SPINT1: variants seen among roughly 807,000 people sequenced by gnomAD.
SPINT1 encodes serine peptidase inhibitor, Kunitz type 1.
In SPINT1, 38 loss-of-function variants were observed where a neutral mutation model predicts 53.7. The ratio of observed to expected loss-of-function variants is 0.71; its 90% confidence interval spans 0.55 to 0.93. SPINT1 has a LOEUF of 0.93. SPINT1 is among the 40% of genes least tolerant of loss of function. SPINT1 has a pLI of 0.00. For missense variants in SPINT1, 645 were observed against 692.9 expected (o/e 0.93, Z 0.78); for synonymous variants, 283 against 280.6 (o/e 1.01, Z -0.08).
chr15:40,853,412 G>A, intron 3 of SPINT1, 77 bp from the exon 4 acceptor site: 4 of 1,611,220 alleles, frequency 2.5e-6, no homozygotes, highest in Non-Finnish European at 3.4e-6. Flanking sequence ...AGGGGTGTGG[G>A]TGTGTGTCTG....
At chr15:40,845,478 T>C (rs750736645) in intron 2 of SPINT1, among the ~76,000 whole-genome samples, 1 of 152,106 alleles carries the variant, frequency 6.6e-6, no homozygotes, top group Non-Finnish European at 1.5e-5. Context: ...AAGTAGGCAG[T>C]ACAGCCGAAT....
Position 40,857,022 on chromosome 15 carries a change from A to G in SPINT1, c.*47A>G. Reference sequence around the variant, plus strand: ...ACCTGGCCCTGCTTCCTGCTTGCCAAGGCAGAGGCCTGGGCTGGGAAAAAC... The same window carrying G: ...ACCTGGCCCTGCTTCCTGCTTGCCAGGGCAGAGGCCTGGGCTGGGAAAAAC... On this transcript the variant is annotated 3_prime_UTR_variant, in exon 11 of 11. Transcript: ENST00000562057. 1 of 1,604,586 alleles carries G rather than the reference A, an allele frequency of 6.2e-7. No homozygotes were observed. Among genetic ancestry groups the G allele is most frequent in the Non-Finnish European group, 8.5e-7 (1 of 1,173,548 alleles).
intron 2 of SPINT1, 34 bp downstream of exon 2, chr15:40,845,063 A>G (rs1399601353): frequency 6.5e-7 from 1 of 1,544,302 alleles, no homozygotes. Context: ...GGGTTTGGAG[A>G]GACTCAAAAA....
chr15:40,845,879 C>T (rs1440985539), intron 2 of SPINT1, among the ~76,000 whole-genome samples: 1 of 152,168 alleles, frequency 6.6e-6, no homozygotes, highest in Non-Finnish European at 1.5e-5. Flanking sequence ...TGCTTAGCAT[C>T]TCTCTACCCC....
intron 5 of SPINT1, 35 bp downstream of exon 5, chr15:40,853,916 G>C: frequency 6.2e-7 from 1 of 1,614,114 alleles, no homozygotes; most frequent in Non-Finnish European, 8.5e-7. Context: ...GGGCTCAGGC[G>C]ACTTTCCCCC....
rs1377876840 is a variant in SPINT1, at chr15:40,857,092, A to AT, written c.*117_*118insT. ...CTGTTTCCCAGGCCCACTGTGCCTC[A>AT]GAGACCAGGGCTCCAGCCCCTCTTG... On this transcript the variant is annotated 3_prime_UTR_variant, in exon 11 of 11. Coordinates refer to ENST00000562057, the MANE Select transcript of SPINT1 (RefSeq NM_003710.4). 12 of 1,342,444 alleles carry AT rather than the reference A, an allele frequency of 8.9e-6. No homozygotes were observed. The highest frequency in any genetic ancestry group is 1.2e-5 in the Non-Finnish European group (12 of 987,120). The allele number at this position is 1,342,444 out of a possible 1,614,324, so 83.2% of individuals were successfully genotyped here.
rs1891193072 is a variant in SPINT1, at chr15:40,844,222, G to A, written c.-66+36G>A. ...CCCCCGCGCGCAAGGCCGAGGCGCA[G>A]GCGGAGCGGGCTGGAGCATGTCCGG... On this transcript the variant is annotated intron_variant, in intron 1 of 10. Transcript: ENST00000562057. The surrounding 1 kb of genome is among the most constrained non-coding windows in gnomAD (Gnocchi z 5.8). 2.3e-6 allele frequency: 1 copy of A among 427,600 alleles called. No individual in the cohort carries two copies. The highest frequency in any genetic ancestry group is 2.2e-5 in the African/African-American group (1 of 46,506). 26.5% of individuals were successfully genotyped at this position (427,600 alleles called of 1,614,324 possible). A position where few individuals can be genotyped will look rare whatever the true frequency, so the allele number is the denominator to read the frequency against.
intron 2 of SPINT1, among the ~76,000 whole-genome samples, chr15:40,851,848 C>T (rs1891466853): frequency 6.6e-6 from 1 of 152,178 alleles, no homozygotes; most frequent in Non-Finnish European, 1.5e-5. Context: ...TGGTGAAACC[C>T]CATCTCTACT....
chr15:40,857,140 G>A lies in SPINT1; in HGVS notation c.*165G>A, dbSNP rs544348204. The A allele has an allele frequency of 1.4e-4, 132 of 920,020 alleles. No individual in the cohort carries two copies. Among genetic ancestry groups the A allele is most frequent in the Admixed American group, 8.2e-4 (28 of 33,956 alleles). The allele number at this position is 920,020 out of a possible 1,614,324, so 57.0% of individuals were successfully genotyped here. A position where few individuals can be genotyped will look rare whatever the true frequency, so the allele number is the denominator to read the frequency against. On this transcript the variant is annotated 3_prime_UTR_variant, in exon 11 of 11. Coordinates refer to ENST00000562057, the MANE Select transcript of SPINT1 (RefSeq NM_003710.4). ...TTGGAGAAGTCTCAGCTAAGCTCAC[G>A]TCCTGAGAAAGCTCAAAGGTTTGGA... is the stretch of plus-strand genomic sequence containing the variant.
chr15:40,856,314 C>G lies in SPINT1; in HGVS notation c.1327C>G (p.Pro443Ala). 6.2e-7 allele frequency: 1 copy of G among 1,614,154 alleles called. No homozygotes were observed. The highest frequency in any genetic ancestry group is 8.5e-7 in the Non-Finnish European group (1 of 1,180,026). Residue 443 changes from proline (P) to alanine (A), a missense_variant, in exon 10 of 11, where the codon CCC becomes GCC. Transcript: ENST00000562057. ...VFGLRREIPI[P>A]STGSVEMAVA... ...TGGCCTGAGGCGGGAAATCCCCATTCCCAGCACAGGTAAGCCCTGATCTGT... is the reference window on the plus strand; with the variant it reads ...TGGCCTGAGGCGGGAAATCCCCATTGCCAGCACAGGTAAGCCCTGATCTGT...
chr15:40,844,204 G>T lies in SPINT1; in HGVS notation c.-66+18G>T. The stretch of plus-strand genomic sequence containing the variant: ...CTGCGCAGGTAACCCGGGCCCCCGC[G>T]CGCAAGGCCGAGGCGCAGGCGGAGC... On this transcript the variant is annotated intron_variant, in intron 1 of 10. Coordinates refer to ENST00000562057, the MANE Select transcript of SPINT1 (RefSeq NM_003710.4). The surrounding 1 kb of genome is among the most constrained non-coding windows in gnomAD (Gnocchi z 5.8). The T allele has an allele frequency of 5.0e-6, 2 of 399,142 alleles. No individual in the cohort carries two copies. The highest frequency in any genetic ancestry group is 9.4e-6 in the Non-Finnish European group (2 of 212,652). 24.7% of individuals were successfully genotyped at this position (399,142 alleles called of 1,614,324 possible).
At position 40,844,932 on chromosome 15, in the gene SPINT1, C is replaced by T. The variant is rs1300736551; in HGVS notation, c.378C>T (p.Asn126=). 1.9e-6 allele frequency: 3 copies of T among 1,614,016 alleles called. No individual in the cohort carries two copies. The Admixed American group carries it at 5.0e-5, about 27-fold the overall frequency. Residue 126 remains asparagine, a synonymous_variant, in exon 2 of 11, where the codon AAC becomes AAT. Transcript: ENST00000562057. The surrounding 1 kb of genome is among the most constrained non-coding windows in gnomAD (Gnocchi z 5.8). ...TCATCAACTGCCTCTACGAGCAGAA[C>T]TTCGTGTGCAAGTTCGCGCCCAGGG... ...CFLINCLYEQ[N]FVCKFAPREG... is the part of the protein sequence containing the mutation.
In SPINT1 at chr15:40,857,035, G is replaced by T; in HGVS notation, c.*60G>T. 2 of 1,587,014 alleles carry T rather than the reference G, an allele frequency of 1.3e-6. No individual in the cohort carries two copies. The highest frequency in any genetic ancestry group is 4.5e-5 in the East Asian group (2 of 44,480). ...TCCTGCTTGCCAAGGCAGAGGCCTG[G>T]GCTGGGAAAAACTTTGGAACCAGAC... On this transcript the variant is annotated 3_prime_UTR_variant, in exon 11 of 11. Coordinates refer to ENST00000562057, the MANE Select transcript of SPINT1 (RefSeq NM_003710.4).
chr15:40,849,791 G>A (rs1482088094), intron 2 of SPINT1, among the ~76,000 whole-genome samples: 2 of 152,212 alleles, frequency 1.3e-5, no homozygotes, highest in African/African-American at 4.8e-5. Context: ...CATCTGAAAA[G>A]AGGGTGAGAA....
rs1891208747 is a variant in SPINT1 at position 40,844,446 on chromosome 15, C to CT, written c.-65-43dup. The stretch of plus-strand genomic sequence containing the variant: ...CCCGCCTCCTCCAAAGTCTCCCGGG[C>CT]TGATCAGGTGTGTCTCCTCCTCTGT... On this transcript the variant is annotated intron_variant, in intron 1 of 10. Transcript: ENST00000562057. The surrounding 1 kb of genome is among the most constrained non-coding windows in gnomAD (Gnocchi z 5.8). 8.7e-7 allele frequency: 1 copy of CT among 1,146,948 alleles called. No individual in the cohort carries two copies. The highest frequency in any genetic ancestry group is 1.5e-5 in the African/African-American group (1 of 64,554). 71.0% of individuals were successfully genotyped at this position (1,146,948 alleles called of 1,614,324 possible).
At chr15:40,852,627 C>CTGTCTGTGTG (rs10653499) in intron 2 of SPINT1, among the ~76,000 whole-genome samples, 27 of 143,498 alleles carry the variant, frequency 1.9e-4, no homozygotes, top group African/African-American at 5.6e-4. Flanking sequence ...AAGTAAGTGT[C>CTGTCTGTGTG]TGTGTGTGTG....
rs1008525353 is a variant in SPINT1 at position 40,845,134 on chromosome 15, C to T, written c.475+105C>T. The T allele has an allele frequency of 4.7e-6, 4 of 850,420 alleles. No individual in the cohort carries two copies. The African/African-American group carries it at 5.5e-5, about 12-fold the overall frequency. 52.7% of individuals were successfully genotyped at this position (850,420 alleles called of 1,614,324 possible). On this transcript the variant is annotated intron_variant, in intron 2 of 10. Transcript: ENST00000562057. ...TCAGAGAGGAGTTAAGGAGAGTTCA[C>T]TTTTTTTTTTCTTTTTCTTTCTTTT...
Position 40,853,589 on chromosome 15 carries a change from A to G in SPINT1, c.704A>G (p.Asn235Ser). The G allele has an allele frequency of 6.2e-7, 1 of 1,614,052 alleles. No homozygotes were observed. Among genetic ancestry groups the G allele is most frequent in the Non-Finnish European group, 8.5e-7 (1 of 1,179,958 alleles). The change falls in exon 4 of 11, where the codon AAC becomes AGC. Residue 235 changes from asparagine (N) to serine (S), a missense_variant. Asn to Ser is a conservative substitution (Grantham distance 46). Transcript: ENST00000562057. ...TCAGACCACCCAGAGGACACGGCCAACGTCACAGTCACTGTGCTGTCCACC... is the reference window on the plus strand; with the variant it reads ...TCAGACCACCCAGAGGACACGGCCAGCGTCACAGTCACTGTGCTGTCCACC... ...TSSDHPEDTA[N>S]VTVTVLSTKQ...
In SPINT1 at chr15:40,844,199, C is replaced by G; in HGVS notation, c.-66+13C>G. The stretch of plus-strand genomic sequence containing the variant: ...CTCACCTGCGCAGGTAACCCGGGCC[C>G]CCGCGCGCAAGGCCGAGGCGCAGGC... On this transcript the variant is annotated intron_variant, in intron 1 of 10. Coordinates refer to ENST00000562057, the MANE Select transcript of SPINT1 (RefSeq NM_003710.4). This position sits in a 1 kb window ranked among gnomAD's most constrained non-coding sequence, Gnocchi z 5.8. 2.5e-6 allele frequency: 1 copy of G among 403,184 alleles called. No homozygotes were observed. The highest frequency in any genetic ancestry group is 5.7e-4 in the Middle Eastern group (1 of 1,762). The allele number at this position is 403,184 out of a possible 1,614,324, so 25.0% of individuals were successfully genotyped here. A position where few individuals can be genotyped will look rare whatever the true frequency, so the allele number is the denominator to read the frequency against.
Sources: allele counts gnomAD v4.1 joint callset (sites outside exome capture counted in the v4.1 genomes callset), GRCh38; gene constraint gnomAD v4.1.1; non-coding constraint Gnocchi (gnomAD v3.1); transcripts MANE v1.5; gene names NCBI Gene and HGNC (gene_info 2026-07-23, HGNC 2026-07-21).